Variants in EPHA6 observed in about 807,000 individuals in gnomAD.
The protein encoded by EPHA6 is ephrin type-A receptor 6.
Under a neutral mutation model 112.0 loss-of-function variants are expected in EPHA6, and 50 were observed. That is an observed-to-expected ratio of 0.45 (90% CI 0.36 to 0.56). EPHA6 has a LOEUF of 0.56. EPHA6 is among the 20% of genes least tolerant of loss of function. EPHA6 has a pLI of 0.00. For missense variants in EPHA6, 1,280 were observed against 1,417.4 expected, an observed-to-expected ratio of 0.90 and a Z score of 1.56; for synonymous variants, 529 against 490.7, an observed-to-expected ratio of 1.08 and a Z score of -1.03.
At chr3:97,029,581 G>C (rs1298714292) in intron 3 of EPHA6, among the ~76,000 whole-genome samples, 1 of 152,010 alleles carries the variant, frequency 6.6e-6, no homozygotes, top group Non-Finnish European at 1.5e-5. Flanking sequence ...TAGTTAACTG[G>C]AGCAGAGTAT....
chr3:97,722,987 G>A (rs2034599018), intron 15 of EPHA6, among the ~76,000 whole-genome samples: 1 of 151,982 alleles, frequency 6.6e-6, no homozygotes, highest in Admixed American at 6.6e-5. Flanking sequence ...CTTTCAATAA[G>A]TACAAGAAAG....
intron 6 of EPHA6, among the ~76,000 whole-genome samples, chr3:97,409,214 T>C (rs2087552185): frequency 6.6e-6 from 1 of 152,100 alleles, no homozygotes; most frequent in South Asian, 2.1e-4. Flanking sequence ...GAACATTCTG[T>C]TAAGGACAAG....
At chr3:97,116,435 T>TATAGTCA (rs1404272204) in intron 3 of EPHA6, among the ~76,000 whole-genome samples, 12 of 151,680 alleles carry the variant, frequency 7.9e-5, no homozygotes, top group Admixed American at 3.3e-4. Flanking sequence ...GTCATCATAC[T>TATAGTCA]TTACAGTAGA....
intron 14 of EPHA6, among the ~76,000 whole-genome samples, chr3:97,672,895 A>T (rs1372510778): frequency 6.6e-6 from 1 of 152,164 alleles, no homozygotes; most frequent in Non-Finnish European, 1.5e-5. Context: ...TCATATTGAA[A>T]TCTCAGTTTT....
rs2035918128 is a variant in EPHA6 at position 97,752,123 on chromosome 3, C to T, written c.*3422C>T. Reference sequence around the variant, plus strand: ...TACATTCCATATCAAAATAAGACATCTTATTTCACTCTGCATTGGTCTTTA... The same window carrying T: ...TACATTCCATATCAAAATAAGACATTTTATTTCACTCTGCATTGGTCTTTA... On this transcript the variant is annotated 3_prime_UTR_variant, in exon 18 of 18. Transcript: ENST00000389672. The T allele has an allele frequency of 8.9e-6, 2 of 223,912 alleles. No individual in the cohort carries two copies. Among genetic ancestry groups the T allele is most frequent in the Non-Finnish European group, 8.9e-6 (1 of 112,172 alleles). The allele number at this position is 223,912 out of a possible 1,614,324, so 13.9% of individuals were successfully genotyped here. A position where few individuals can be genotyped will look rare whatever the true frequency, so the allele number is the denominator to read the frequency against.
intron 14 of EPHA6, among the ~76,000 whole-genome samples, chr3:97,712,230 T>A (rs2034004595): frequency 6.6e-6 from 1 of 152,206 alleles, no homozygotes; most frequent in African/African-American, 2.4e-5. Flanking sequence ...AAAATCATTA[T>A]TTAAAATACA....
intron 11 of EPHA6, among the ~76,000 whole-genome samples, chr3:97,539,022 T>TCTTG (rs1553805952): frequency 8.9e-4 from 134 of 150,856 alleles, no homozygotes; most frequent in African/African-American, 3.1e-3. Flanking sequence ...TTTCTTTCTT[T>TCTTG]CTTTCTTTCT....
At chr3:97,320,919 G>T (rs1037950563) in intron 5 of EPHA6, among the ~76,000 whole-genome samples, 2 of 151,178 alleles carry the variant, frequency 1.3e-5, no homozygotes, top group East Asian at 3.9e-4. Context: ...TCAGTGCTTT[G>T]GAGTTATTGC....
At chr3:97,647,749 G>A (rs2107599187) in intron 14 of EPHA6, among the ~76,000 whole-genome samples, 1 of 152,216 alleles carries the variant, frequency 6.6e-6, no homozygotes, top group East Asian at 1.9e-4. Context: ...TGCCTTTTCT[G>A]AGTTTGACAC....
At chr3:97,281,216 TG>T (rs1559849230) in intron 5 of EPHA6, among the ~76,000 whole-genome samples, 1 of 142,326 alleles carries the variant, frequency 7.0e-6, no homozygotes, top group Non-Finnish European at 1.5e-5. Context: ...TGTGTGTGTG[TG>T]TGTGTGTGTG....
intron 4 of EPHA6, among the ~76,000 whole-genome samples, chr3:97,235,788 A>T (rs2108564764): frequency 6.6e-6 from 1 of 152,198 alleles, no homozygotes; most frequent in Non-Finnish European, 1.5e-5. Context: ...AACCAACTTT[A>T]ACTTTACCAG....
intron 3 of EPHA6, among the ~76,000 whole-genome samples, chr3:97,205,682 G>A (rs2077696989): frequency 6.6e-6 from 1 of 151,936 alleles, no homozygotes; most frequent in Admixed American, 6.6e-5. Flanking sequence ...TACTGAGGGA[G>A]GACTATACAT....
intron 11 of EPHA6, among the ~76,000 whole-genome samples, chr3:97,539,805 A>G (rs541041582): frequency 6.6e-6 from 1 of 152,284 alleles, no homozygotes; most frequent in South Asian, 2.1e-4. Context: ...ATGATGTGAG[A>G]AGCAGGATCA....
At chr3:97,461,820 A>G (rs982981274) in intron 7 of EPHA6, among the ~76,000 whole-genome samples, 3 of 152,114 alleles carry the variant, frequency 2.0e-5, no homozygotes, top group African/African-American at 7.2e-5. Context: ...GCACTGGACA[A>G]TTTGACTCAG....
chr3:97,307,610 C>CTT (rs199688049), intron 5 of EPHA6, among the ~76,000 whole-genome samples: 17 of 142,588 alleles, frequency 1.2e-4, no homozygotes, highest in Admixed American at 4.2e-4. Flanking sequence ...ATTTTGTTGC[C>CTT]TTTTTTTTTT....
intron 13 of EPHA6, among the ~76,000 whole-genome samples, chr3:97,618,863 A>C (rs2107493496): frequency 6.6e-6 from 1 of 152,262 alleles, no homozygotes; most frequent in South Asian, 2.1e-4. Context: ...TTCCTACTGA[A>C]ACAATACTAA....
chr3:97,382,430 A>G (rs1051979568), intron 5 of EPHA6, among the ~76,000 whole-genome samples: 10 of 152,066 alleles, frequency 6.6e-5, no homozygotes, highest in African/African-American at 1.9e-4. Context: ...TAATTAATAG[A>G]AAGGAAGACT....
At chr3:97,572,225 A>T (rs1299132665) in intron 11 of EPHA6, among the ~76,000 whole-genome samples, 2 of 139,122 alleles carry the variant, frequency 1.4e-5, no homozygotes, top group African/African-American at 2.7e-5. Context: ...ATCTCGGCTC[A>T]CTGCAAGCTC....
At chr3:97,088,843 T>G (rs2046981145) in intron 3 of EPHA6, among the ~76,000 whole-genome samples, 1 of 152,172 alleles carries the variant, frequency 6.6e-6, no homozygotes. Flanking sequence ...TTGGCTTTAT[T>G]GCTCAACATT....
Sources: allele counts gnomAD v4.1 joint callset (sites outside exome capture counted in the v4.1 genomes callset), GRCh38; gene constraint gnomAD v4.1.1; transcripts MANE v1.5; gene names NCBI Gene and HGNC (gene_info 2026-07-23, HGNC 2026-07-21).